RASGRF2: variants seen among roughly 807,000 people sequenced by gnomAD.
RASGRF2 encodes the protein Ras protein specific guanine nucleotide releasing factor 2.
RASGRF2 carries 76 observed loss-of-function variants against 151.0 expected under a neutral mutation model. That is an observed-to-expected ratio of 0.50 (90% CI 0.42 to 0.61). RASGRF2 has a LOEUF of 0.61. Ranked by LOEUF, RASGRF2 falls within the 20% of genes least tolerant of loss-of-function variation. RASGRF2 has a pLI of 0.00. For synonymous variants in RASGRF2, 504 were observed against 566.5 expected, an observed-to-expected ratio of 0.89 and a Z score of 1.57; for missense variants, 1,148 against 1,564.6, an observed-to-expected ratio of 0.73 and a Z score of 4.49.
intron 16 of RASGRF2, among the ~76,000 whole-genome samples, chr5:81,125,747 T>A (rs1256483764): frequency 6.6e-6 from 1 of 152,262 alleles, no homozygotes; most frequent in Non-Finnish European, 1.5e-5. Flanking sequence ...TTAATTCACA[T>A]AAGGATTATT....
At chr5:81,214,798 CA>C (rs1755698790) in intron 23 of RASGRF2, among the ~76,000 whole-genome samples, 1 of 152,234 alleles carries the variant, frequency 6.6e-6, no homozygotes, top group Non-Finnish European at 1.5e-5. Context: ...CCCCAAGGGC[CA>C]CCCTACCACT....
At chr5:81,195,335 A>G (rs1323535012) in intron 18 of RASGRF2, among the ~76,000 whole-genome samples, 1 of 152,206 alleles carries the variant, frequency 6.6e-6, no homozygotes, top group Non-Finnish European at 1.5e-5. Context: ...ATGCCGGACA[A>G]TTACAACATA....
intron 1 of RASGRF2, among the ~76,000 whole-genome samples, chr5:81,041,594 CTT>C (rs1408870594): frequency 3.3e-5 from 5 of 152,176 alleles, no homozygotes; most frequent in Admixed American, 6.5e-5. Context: ...CCATGTCTGT[CTT>C]TGCTGGAACA....
chr5:81,193,649 G>A lies in RASGRF2; in HGVS notation c.2794-7681G>A, dbSNP rs1409136640. Reference sequence around the variant, plus strand: ...TCCTGCCTCAGCCTCCTGCGTAGCTGGGATTACAGGCGCCCACCACCATGC... The same window carrying A: ...TCCTGCCTCAGCCTCCTGCGTAGCTAGGATTACAGGCGCCCACCACCATGC... On this transcript the variant is annotated intron_variant, in intron 18 of 26. Transcript: ENST00000265080. 2.0e-5 allele frequency among the ~76,000 whole-genome samples: 3 copies of A among 152,038 alleles called. No individual in the cohort carries two copies. The East Asian group carries it at 5.8e-4, about 29-fold the overall frequency.
In RASGRF2 at chr5:81,206,227, A is replaced by G. The variant is rs1229241669; in HGVS notation, c.2907-618A>G. Among the ~76,000 whole-genome samples the G allele has an allele frequency of 7.5e-5, 11 of 146,690 alleles. No homozygotes were observed. In the East Asian group the frequency reaches 2.1e-3, roughly 28 times the overall value. Reference sequence around the variant, plus strand: ...CATTCATCATTTATTTTTTTAAAAGATATTTATTGAGAGCTGAATAACATG... The same window carrying G: ...CATTCATCATTTATTTTTTTAAAAGGTATTTATTGAGAGCTGAATAACATG... On this transcript the variant is annotated intron_variant, in intron 19 of 26. Transcript: ENST00000265080.
intron 18 of RASGRF2, among the ~76,000 whole-genome samples, chr5:81,184,339 C>T (rs903417071): frequency 5.3e-5 from 8 of 152,216 alleles, no homozygotes; most frequent in African/African-American, 7.2e-5. Flanking sequence ...CACATGTTCC[C>T]GTGATTGCTT....
chr5:81,123,603 C>A (rs1338947129), intron 15 of RASGRF2, 39 bp from the exon 16 acceptor site: 38 of 1,595,538 alleles, frequency 2.4e-5, no homozygotes, highest in Non-Finnish European at 3.1e-5. Flanking sequence ...CTCTTGAATT[C>A]ATGGCCTGGT....
chr5:81,037,216 A>G (rs1006619787), intron 1 of RASGRF2, among the ~76,000 whole-genome samples: 29 of 152,340 alleles, frequency 1.9e-4, no homozygotes, highest in South Asian at 1.0e-3. Flanking sequence ...CTTACAGTTC[A>G]AGATGAGATT....
intron 26 of RASGRF2, among the ~76,000 whole-genome samples, chr5:81,222,476 A>G (rs761618348): frequency 6.6e-6 from 1 of 152,196 alleles, no homozygotes; most frequent in Non-Finnish European, 1.5e-5. Flanking sequence ...CAGCTTAAGT[A>G]TCACTTAGGA....
intron 20 of RASGRF2, 25 bp from the exon 21 acceptor site, chr5:81,207,221 C>A (rs1393216399): frequency 2.5e-6 from 4 of 1,607,898 alleles, no homozygotes; most frequent in Non-Finnish European, 3.4e-6. Context: ...CTGGGTGTTT[C>A]ATTTCCCTCC....
intron 1 of RASGRF2, among the ~76,000 whole-genome samples, chr5:80,973,262 C>T (rs980928941): frequency 5.3e-5 from 8 of 152,130 alleles, no homozygotes; most frequent in Admixed American, 2.0e-4. Flanking sequence ...CAGTAGGTTG[C>T]GGTTGCCACC....
At chr5:81,175,886 G>A (rs1045895472) in intron 17 of RASGRF2, among the ~76,000 whole-genome samples, 2 of 152,074 alleles carry the variant, frequency 1.3e-5, no homozygotes, top group African/African-American at 4.8e-5. Flanking sequence ...CACTGAAATG[G>A]CATTCTTAAT....
intron 13 of RASGRF2, among the ~76,000 whole-genome samples, chr5:81,112,043 G>C (rs897318131): frequency 6.6e-6 from 1 of 152,172 alleles, no homozygotes; most frequent in African/African-American, 2.4e-5. Flanking sequence ...GACTGAATTA[G>C]AGAGAAGGAA....
chr5:80,974,436 G>T (rs1005410906), intron 1 of RASGRF2, among the ~76,000 whole-genome samples: 1 of 152,232 alleles, frequency 6.6e-6, no homozygotes, highest in South Asian at 2.1e-4. Context: ...ACACCACTGG[G>T]TTTCAGCTTA....
intron 13 of RASGRF2, among the ~76,000 whole-genome samples, chr5:81,112,139 A>G (rs953521123): frequency 4.6e-5 from 7 of 152,170 alleles, no homozygotes; most frequent in South Asian, 2.1e-4. Context: ...AGCCCTGCCT[A>G]TGCCTATATG....
chr5:81,146,408 GA>G (rs1257247912), intron 17 of RASGRF2, among the ~76,000 whole-genome samples: 1 of 152,128 alleles, frequency 6.6e-6, no homozygotes, highest in Non-Finnish European at 1.5e-5. Context: ...GTTGCCCAGG[GA>G]GTTAGACTGG....
chr5:81,070,404 G>C, intron 3 of RASGRF2, 88 bp from the exon 4 acceptor site: 1 of 1,100,630 alleles, frequency 9.1e-7, no homozygotes, highest in Non-Finnish European at 1.4e-6. Context: ...GGATCTCATT[G>C]GACCACCTTT....
At chr5:81,063,320 C>T (rs1751499614) in intron 2 of RASGRF2, among the ~76,000 whole-genome samples, 1 of 152,064 alleles carries the variant, frequency 6.6e-6, no homozygotes, top group African/African-American at 2.4e-5. Context: ...GATCTCGGCT[C>T]ACTGCAACCT....
intron 13 of RASGRF2, 150 bp from the exon 14 acceptor site, chr5:81,112,460 A>G (rs555291967): frequency 8.8e-6 from 9 of 1,020,398 alleles, no homozygotes; most frequent in Non-Finnish European, 1.3e-5. Context: ...CCCCAAGAAT[A>G]CTGAGGGACA....
Sources: allele counts gnomAD v4.1 joint callset (sites outside exome capture counted in the v4.1 genomes callset), GRCh38; gene constraint gnomAD v4.1.1; transcripts MANE v1.5; gene names NCBI Gene and HGNC (gene_info 2026-07-23, HGNC 2026-07-21).